Variants in KCNH4 observed in about 807,000 individuals in gnomAD.
KCNH4 encodes potassium voltage-gated channel subfamily H member 4, also known as voltage-gated delayed rectifier potassium channel KCNH4.
KCNH4 carries 33 observed loss-of-function variants against 90.7 expected under a neutral mutation model. That is an observed-to-expected ratio of 0.36 (90% confidence interval 0.28 to 0.49). KCNH4 has a LOEUF of 0.49. KCNH4 is among the 20% of genes least tolerant of loss of function. The pLI is 0.98. For synonymous variants in KCNH4, 551 were observed against 581.7 expected (o/e 0.95, Z 0.76); for missense variants, 1,044 against 1,387.1 (o/e 0.75, Z 3.93).
chr17:42,176,206 T>C lies in KCNH4; in HGVS notation c.677A>G (p.Lys226Arg), dbSNP rs1181764590. ...RCLLLHYSVS[K>R]AIWDGLILLA... Reference sequence around the variant, plus strand: ...GAGGATAAGGCCGTCCCAGATGGCCTTGGAGACGCTGTAGTGGAGGAGGAG... The same window carrying C: ...GAGGATAAGGCCGTCCCAGATGGCCCTGGAGACGCTGTAGTGGAGGAGGAG... The change falls in exon 5 of 17, where the codon AAG (lysine) becomes AGG (arginine). Residue 226 changes from lysine (K) to arginine (R), a missense_variant. Around this residue, in one of 4 missense-constraint regions of KCNH4, gnomAD observed 283 missense variants for 378.6 expected, o/e 0.75. Coordinates refer to ENST00000264661, the MANE Select transcript of KCNH4 (RefSeq NM_012285.3). 3.7e-6 allele frequency: 6 copies of C among 1,613,468 alleles called. No homozygotes were observed. The highest frequency in any genetic ancestry group is 5.1e-6 in the Non-Finnish European group (6 of 1,179,860).
Position 42,178,443 on chromosome 17 carries a change from G to A in KCNH4, c.345C>T (p.Pro115=). The part of the protein sequence containing the change: ...SAFWCLLDMM[P]IKNEMGEVVL... ...CGACCTCCCCCATCTCATTCTTGAT[G>A]GGCATCATGTCCAGGAGGCACCAAA... is the stretch of plus-strand genomic sequence containing the variant. The change falls in exon 3 of 17, where the codon CCC becomes CCT. Residue 115 remains proline (P), a synonymous_variant. Coordinates refer to ENST00000264661, the MANE Select transcript of KCNH4 (RefSeq NM_012285.3). 6.2e-7 allele frequency: 1 copy of A among 1,614,208 alleles called. No homozygotes were observed. The highest frequency in any genetic ancestry group is 8.5e-7 in the Non-Finnish European group (1 of 1,180,016).
rs371326352 is a variant in KCNH4, at chr17:42,166,578, C to G, written c.1591-32G>C. 7 of 1,585,014 alleles carry G rather than the reference C, an allele frequency of 4.4e-6. No homozygotes were observed. The African/African-American group carries it at 6.7e-5, about 15-fold the overall frequency. Reference sequence around the variant, plus strand: ...AAGGGGCATAGGTCATTCTGGCCATCCCCCTGCAGCTACTACTTGAGTCTA... The same window carrying G: ...AAGGGGCATAGGTCATTCTGGCCATGCCCCTGCAGCTACTACTTGAGTCTA... On this transcript the variant is annotated intron_variant, in intron 9 of 16. Transcript: ENST00000264661.
At chr17:42,169,410 C>T in intron 9 of KCNH4, 67 bp downstream of exon 9, 1 of 1,442,612 alleles carries the variant, frequency 6.9e-7, no homozygotes, top group South Asian at 1.2e-5. Flanking sequence ...GGGGCAGCGA[C>T]TCCTTCCCCA....
chr17:42,158,173 C>A (rs927877298), intron 16 of KCNH4, among the ~76,000 whole-genome samples: 1 of 151,918 alleles, frequency 6.6e-6, no homozygotes, highest in Admixed American at 6.6e-5. Flanking sequence ...GGTAATCCAC[C>A]TGCCTCGGCC....
intron 6 of KCNH4, among the ~76,000 whole-genome samples, chr17:42,172,381 C>G (rs2079833023): frequency 6.6e-6 from 1 of 151,792 alleles, no homozygotes; most frequent in African/African-American, 2.4e-5. Context: ...ACTACATTGG[C>G]CAGGATGGTC....
At chr17:42,169,448 AG>A (rs1406872165) in intron 9 of KCNH4, 28 bp downstream of exon 9, 4 of 1,606,118 alleles carry the variant, frequency 2.5e-6, no homozygotes, top group Non-Finnish European at 1.7e-6. Context: ...GCGGAGGGCA[AG>A]GGCAAGATTG....
In KCNH4 at chr17:42,165,800, T is replaced by G. The variant is rs1179831491; in HGVS notation, c.1841-107A>C. On this transcript the variant is annotated intron_variant, in intron 10 of 16. Coordinates refer to ENST00000264661, the MANE Select transcript of KCNH4 (RefSeq NM_012285.3). ...GGTGGTCAGTGTGTTTGAAGGATGGTTGAAGGTGGGCCAGTCAATGGGATT... is the reference window on the plus strand; with the variant it reads ...GGTGGTCAGTGTGTTTGAAGGATGGGTGAAGGTGGGCCAGTCAATGGGATT... The G allele has an allele frequency of 3.0e-6, 4 of 1,352,884 alleles. No individual in the cohort carries two copies. The Admixed American group carries it at 7.4e-5, about 25-fold the overall frequency. 83.8% of individuals were successfully genotyped at this position (1,352,884 alleles called of 1,614,324 possible). A position where few individuals can be genotyped will look rare whatever the true frequency, so the allele number is the denominator to read the frequency against.
chr17:42,163,641 TG>T lies in KCNH4; in HGVS notation c.2441del (p.Pro814HisfsTer14). On this transcript the variant is annotated frameshift_variant, in exon 13 of 17. Coordinates refer to ENST00000264661, the MANE Select transcript of KCNH4 (RefSeq NM_012285.3). LOFTEE classifies it high-confidence loss of function. The surrounding 1 kb of genome is among the most constrained non-coding windows in gnomAD (Gnocchi z 5.4). ...GGTCCGGAGGTCCAAAGGTTCCCAG[TG>T]GGGGAATGAGAAGCTGAGGGGGCTT... ...AWKPPQLLIP[P>X]LGTFGPPDLS... 1 of 1,478,886 alleles carries T rather than the reference TG, an allele frequency of 6.8e-7. No homozygotes were observed. Among genetic ancestry groups the T allele is most frequent in the Non-Finnish European group, 9.0e-7 (1 of 1,109,246 alleles). 91.6% of individuals were successfully genotyped at this position (1,478,886 alleles called of 1,614,324 possible).
At position 42,163,672 on chromosome 17, in the gene KCNH4, G is replaced by A. The variant is rs1166435581; in HGVS notation, c.2411C>T (p.Ala804Val). ...SPHGPPRCSA[A>V]WKPPQLLIPP... ...AATGAGAAGCTGAGGGGGCTTCCAGGCAGCAGAGCACCTGGGGGGGCCGTG... is the reference window on the plus strand; with the variant it reads ...AATGAGAAGCTGAGGGGGCTTCCAGACAGCAGAGCACCTGGGGGGGCCGTG... The change falls in exon 13 of 17, where the codon GCC becomes GTC. Residue 804 changes from alanine to valine, a missense_variant. Transcript: ENST00000264661. The surrounding 1 kb of genome is among the most constrained non-coding windows in gnomAD (Gnocchi z 5.4). 6.6e-7 allele frequency: 1 copy of A among 1,508,760 alleles called. No homozygotes were observed. The highest frequency in any genetic ancestry group is 8.9e-7 in the Non-Finnish European group (1 of 1,129,356). 93.5% of individuals were successfully genotyped at this position (1,508,760 alleles called of 1,614,324 possible). A position where few individuals can be genotyped will look rare whatever the true frequency, so the allele number is the denominator to read the frequency against.
chr17:42,177,600 G>A (rs548649940), intron 4 of KCNH4, among the ~76,000 whole-genome samples: 13 of 152,186 alleles, frequency 8.5e-5, no homozygotes, highest in Non-Finnish European at 1.5e-4. Flanking sequence ...GGTTCTGGGG[G>A]CCCAGTGGGG....
Position 42,159,989 on chromosome 17 carries a change from A to C in KCNH4, c.*51T>G. ...AGCCAAGGGGCCCAGGTCCTCCCTGAGTGGTGAGCGGCAGCGCCCACCCCA... is the reference window on the plus strand; with the variant it reads ...AGCCAAGGGGCCCAGGTCCTCCCTGCGTGGTGAGCGGCAGCGCCCACCCCA... On this transcript the variant is annotated 3_prime_UTR_variant, in exon 16 of 17. Transcript: ENST00000264661. 3.5e-6 allele frequency: 5 copies of C among 1,414,462 alleles called. No homozygotes were observed. The highest frequency in any genetic ancestry group is 4.7e-6 in the Non-Finnish European group (5 of 1,066,036). The allele number at this position is 1,414,462 out of a possible 1,614,324, so 87.6% of individuals were successfully genotyped here. A position where few individuals can be genotyped will look rare whatever the true frequency, so the allele number is the denominator to read the frequency against.
Position 42,169,619 on chromosome 17 carries a change from G to A in KCNH4, c.1448C>T (p.Ser483Leu), listed in dbSNP as rs141736725. 24 of 1,613,870 alleles carry A rather than the reference G, an allele frequency of 1.5e-5. No individual in the cohort carries two copies. In the African/African-American group the frequency reaches 1.7e-4, roughly 12 times the overall value. Residue 483 changes from serine to leucine, a missense_variant, in exon 9 of 17, where the codon TCG becomes TTG. By Grantham distance (145) the Ser-to-Leu change is moderately radical. This residue lies in a region of KCNH4 where 318 missense variants were observed against 479.6 expected (regional missense o/e 0.66). Coordinates refer to ENST00000264661, the MANE Select transcript of KCNH4 (RefSeq NM_012285.3). ...GCGGCTGTGGTAGAGCGAGCGGCGC[G>A]AGTACATGCGCTGGATGATGGCTGT... is the stretch of plus-strand genomic sequence containing the variant. ...NVTAIIQRMY[S>L]RRSLYHSRMK...
Position 42,170,177 on chromosome 17 carries a change from C to G in KCNH4, c.1320G>C (p.Val440=). The change falls in exon 8 of 17, where the codon GTG becomes GTC. Residue 440 remains valine, a synonymous_variant. Coordinates refer to ENST00000264661, the MANE Select transcript of KCNH4 (RefSeq NM_012285.3). Reference sequence around the variant, plus strand: ...TGTTGGCACACACGTTGCCAAAGCCCACACTGGTGAGGCTGCTTAGAGTGA... The same window carrying G: ...TGTTGGCACACACGTTGCCAAAGCCGACACTGGTGAGGCTGCTTAGAGTGA... ...LYFTLSSLTS[V]GFGNVCANTD... The G allele has an allele frequency of 6.2e-7, 1 of 1,613,702 alleles. No homozygotes were observed. The highest frequency in any genetic ancestry group is 8.5e-7 in the Non-Finnish European group (1 of 1,179,990).
intron 2 of KCNH4, 54 bp downstream of exon 2, chr17:42,178,739 C>G (rs557461556): frequency 6.7e-7 from 1 of 1,489,944 alleles, no homozygotes; most frequent in East Asian, 2.3e-5. Flanking sequence ...CCAGTGCCCT[C>G]TGGATAAGGC....
chr17:42,166,601 C>G (rs995394470), intron 9 of KCNH4, 55 bp from the exon 10 acceptor site: 1 of 1,564,834 alleles, frequency 6.4e-7, no homozygotes, highest in African/African-American at 1.4e-5. Context: ...CTACTTGAGT[C>G]TACAAATGTG....
chr17:42,178,062 G>C (rs766031010), intron 4 of KCNH4, 38 bp downstream of exon 4: 18 of 1,597,838 alleles, frequency 1.1e-5, no homozygotes, highest in Middle Eastern at 1.8e-4. Flanking sequence ...ATCAAGGCTG[G>C]AGGACTTGGG....
chr17:42,160,266 C>G lies in KCNH4; in HGVS notation c.2828G>C (p.Arg943Thr), dbSNP rs1448346529. 3.7e-6 allele frequency: 6 copies of G among 1,613,970 alleles called. No homozygotes were observed. Among genetic ancestry groups the G allele is most frequent in the Non-Finnish European group, 5.1e-6 (6 of 1,180,018 alleles). The change falls in exon 16 of 17, where the codon AGA becomes ACA. Residue 943 changes from arginine to threonine, a missense_variant. This residue lies in a region of KCNH4 where 441 missense variants were observed against 512.3 expected (regional missense o/e 0.86). Coordinates refer to ENST00000264661, the MANE Select transcript of KCNH4 (RefSeq NM_012285.3). ...RPPCLSPCASRPPPSLQDTTL... is the reference protein window; with the variant it reads ...RPPCLSPCASTPPPSLQDTTL... ...AGTATCCTGGAGGCTGGGTGGTGGT[C>G]TGGACGCACAAGGAGAGAGGCATGG... is the stretch of plus-strand genomic sequence containing the variant.
chr17:42,175,990 T>A (rs2079857752), intron 5 of KCNH4, 64 bp downstream of exon 5: 1 of 1,532,646 alleles, frequency 6.5e-7, no homozygotes, highest in Non-Finnish European at 8.8e-7. Context: ...CAGGAGTGGG[T>A]GAGGCTTGGC....
intron 9 of KCNH4, among the ~76,000 whole-genome samples, 176 bp downstream of exon 9, chr17:42,169,301 A>G (rs991753642): frequency 6.6e-6 from 1 of 151,348 alleles, no homozygotes; most frequent in African/African-American, 2.4e-5. Flanking sequence ...GCTGGTCTTC[A>G]ACTCCTGACC....
Sources: allele counts gnomAD v4.1 joint callset (sites outside exome capture counted in the v4.1 genomes callset), GRCh38; gene constraint gnomAD v4.1.1; regional missense constraint gnomAD v4.1.1; non-coding constraint Gnocchi (gnomAD v3.1); transcripts MANE v1.5; gene names NCBI Gene and HGNC (gene_info 2026-07-23, HGNC 2026-07-21).